The following BBS9 variants were observed in gnomAD, a reference collection of about 807,000 sequenced individuals.
BBS9 encodes Bardet-Biedl syndrome 9.
In BBS9, 89 loss-of-function variants were observed where a neutral mutation model predicts 117.7. That is an observed-to-expected ratio of 0.76 (90% CI 0.64 to 0.90). BBS9 has a LOEUF of 0.90. BBS9 is among the 40% of genes least tolerant of loss of function. The pLI is 0.00. For missense variants in BBS9, 982 were observed against 1,042.2 expected, an observed-to-expected ratio of 0.94 and a Z score of 0.80; for synonymous variants, 379 against 370.9, an observed-to-expected ratio of 1.02 and a Z score of -0.25.
chr7:33,182,768 T>G (rs1254969321), intron 5 of BBS9, among the ~76,000 whole-genome samples: 1 of 152,158 alleles, frequency 6.6e-6, no homozygotes, highest in Non-Finnish European at 1.5e-5. Flanking sequence ...AGTTGTAAGA[T>G]TTTTCATTTG....
At chr7:33,311,769 A>G (rs1809285275) in intron 9 of BBS9, among the ~76,000 whole-genome samples, 2 of 152,024 alleles carry the variant, frequency 1.3e-5, no homozygotes, top group Non-Finnish European at 2.9e-5. Context: ...GTGAGCCAAG[A>G]TCGCACCACT....
At chr7:33,540,836 C>T (rs1289271842) in intron 21 of BBS9, among the ~76,000 whole-genome samples, 1 of 152,206 alleles carries the variant, frequency 6.6e-6, no homozygotes, top group Admixed American at 6.5e-5. Context: ...CCCCTCCCAT[C>T]TCTGTATCTC....
At chr7:33,268,044 GCTA>G (rs1400575562) in intron 7 of BBS9, among the ~76,000 whole-genome samples, 1 of 152,136 alleles carries the variant, frequency 6.6e-6, no homozygotes, top group Non-Finnish European at 1.5e-5. Flanking sequence ...TCATTTTAGG[GCTA>G]CTTATTCCCT....
intron 5 of BBS9, among the ~76,000 whole-genome samples, chr7:33,247,848 T>C (rs2128295252): frequency 6.6e-6 from 1 of 152,334 alleles, no homozygotes; most frequent in South Asian, 2.1e-4. Flanking sequence ...AGCAATAATA[T>C]AATGTTTAGG....
At chr7:33,350,232 T>C (rs1386869349) in intron 13 of BBS9, among the ~76,000 whole-genome samples, 2 of 152,276 alleles carry the variant, frequency 1.3e-5, no homozygotes, top group Non-Finnish European at 1.5e-5. Flanking sequence ...ATATCTTTCT[T>C]TTTTTGCCTC....
chr7:33,409,132 A>G (rs146641412), intron 19 of BBS9, among the ~76,000 whole-genome samples: 322 of 151,960 alleles, frequency 2.1e-3, no homozygotes, highest in African/African-American at 7.6e-3. Flanking sequence ...GATAATTTCT[A>G]TTGCCGTGCA....
chr7:33,406,868 T>C (rs1301320189), intron 19 of BBS9, among the ~76,000 whole-genome samples: 1 of 152,240 alleles, frequency 6.6e-6, no homozygotes, highest in Non-Finnish European at 1.5e-5. Context: ...GCCCTTAACA[T>C]TTTTTCCTTC....
chr7:33,389,687 TAAAAAA>T (rs5883400), intron 19 of BBS9, among the ~76,000 whole-genome samples: 22,058 of 91,222 alleles, frequency 0.24, 2,203 homozygotes, highest in African/African-American at 0.3. Flanking sequence ...AGACTCCATC[TAAAAAA>T]AAAAAAAAAA....
At chr7:33,612,276 A>G (rs1350714715) in intron 21 of BBS9, among the ~76,000 whole-genome samples, 1 of 152,096 alleles carries the variant, frequency 6.6e-6, no homozygotes, top group Admixed American at 6.6e-5. Context: ...TGAAAAAAGC[A>G]ATCAACAAGT....
At chr7:33,590,182 C>T (rs1356585517) in intron 21 of BBS9, among the ~76,000 whole-genome samples, 1 of 151,914 alleles carries the variant, frequency 6.6e-6, no homozygotes, top group Non-Finnish European at 1.5e-5. Context: ...TGTAGAGTGG[C>T]AGAGGCAAAA....
chr7:33,381,273 A>G (rs919981297), intron 17 of BBS9, among the ~76,000 whole-genome samples: 1 of 152,140 alleles, frequency 6.6e-6, no homozygotes, highest in South Asian at 2.1e-4. Context: ...GGTCAGCCCT[A>G]ATGATTGGTC....
intron 19 of BBS9, among the ~76,000 whole-genome samples, chr7:33,468,764 G>A (rs541182463): frequency 6.6e-6 from 1 of 152,202 alleles, no homozygotes; most frequent in South Asian, 2.1e-4. Context: ...TGCAATGTTT[G>A]TCTTTCTGTG....
chr7:33,291,306 G>T (rs533986167), intron 9 of BBS9, among the ~76,000 whole-genome samples: 17 of 152,074 alleles, frequency 1.1e-4, no homozygotes, highest in African/African-American at 4.1e-4. Context: ...GTTCTCTTAA[G>T]AAAAGTTAAA....
chr7:33,221,631 A>G (rs1324989483), intron 5 of BBS9, among the ~76,000 whole-genome samples: 6 of 152,202 alleles, frequency 3.9e-5, no homozygotes, highest in African/African-American at 9.6e-5. Flanking sequence ...GAATAAATCT[A>G]GAGTACTTCA....
At position 33,286,948 on chromosome 7, in the gene BBS9, A is replaced by AT. The variant is rs541588260; in HGVS notation, c.1016+13000dup. 2.3e-3 allele frequency among the ~76,000 whole-genome samples: 355 copies of AT among 152,080 alleles called. 3 individuals carry two copies. Among genetic ancestry groups the AT allele is most frequent in the African/African-American group, 7.4e-3 (307 of 41,518 alleles). The stretch of plus-strand genomic sequence containing the variant: ...TATAAAAGGGAAATGGGAAAAAGTG[A>AT]TTTTTTTTGATAACATAAGATTTAT... On this transcript the variant is annotated intron_variant, in intron 9 of 22. Transcript: ENST00000242067.
At chr7:33,536,681 T>TCCCCCCCCCCCCCCCCCC (rs1563323298) in intron 21 of BBS9, among the ~76,000 whole-genome samples, 9 of 44,202 alleles carry the variant, frequency 2.0e-4, no homozygotes, top group African/African-American at 3.7e-4. Context: ...GATTCGGCCT[T>TCCCCCCCCCCCCCCCCCC]CCCCCCGCCC....
chr7:33,321,845 C>G (rs1811780879), intron 9 of BBS9, among the ~76,000 whole-genome samples: 1 of 151,968 alleles, frequency 6.6e-6, no homozygotes, highest in Non-Finnish European at 1.5e-5. Flanking sequence ...ATGATATTAG[C>G]TATGGGTCTG....
intron 19 of BBS9, among the ~76,000 whole-genome samples, chr7:33,467,113 C>T (rs1378503898): frequency 6.6e-6 from 1 of 151,942 alleles, no homozygotes; most frequent in African/African-American, 2.4e-5. Context: ...ATATGGGTTA[C>T]CTTTTCAGTG....
chr7:33,628,443 A>C (rs1865743471), intron 21 of BBS9, among the ~76,000 whole-genome samples: 1 of 152,240 alleles, frequency 6.6e-6, no homozygotes, highest in South Asian at 2.1e-4. Context: ...AATATGAGAG[A>C]AAAACACTAA....
Sources: allele counts gnomAD v4.1 joint callset (sites outside exome capture counted in the v4.1 genomes callset), GRCh38; gene constraint gnomAD v4.1.1; transcripts MANE v1.5; gene names NCBI Gene and HGNC (gene_info 2026-07-23, HGNC 2026-07-21).